The following INTS7 variants were observed in gnomAD, a reference collection of about 807,000 sequenced individuals.
The protein encoded by INTS7 is chromosome 1 open reading frame 73.
INTS7 carries 46 observed loss-of-function variants against 109.2 expected under a neutral mutation model. That is an observed-to-expected ratio of 0.42 (90% CI 0.33 to 0.54). The LOEUF is 0.54. INTS7 is among the 20% of genes least tolerant of loss of function. The probability of loss-of-function intolerance (pLI) is 0.07; values close to 1 mark genes in which losing one functional copy is unlikely to be tolerated. For missense variants in INTS7, 929 were observed against 1,132.4 expected, an observed-to-expected ratio of 0.82 and a Z score of 2.58; for synonymous variants, 412 against 402.9, an observed-to-expected ratio of 1.02 and a Z score of -0.27.
chr1:211,948,060 A>G (rs1472645587), intron 17 of INTS7, among the ~76,000 whole-genome samples: 1 of 152,044 alleles, frequency 6.6e-6, no homozygotes, highest in Non-Finnish European at 1.5e-5. Context: ...GAAACCCAAC[A>G]CCACAGGTTG....
intron 13 of INTS7, among the ~76,000 whole-genome samples, chr1:211,971,468 C>T (rs1206802205): frequency 6.6e-6 from 1 of 152,142 alleles, no homozygotes; most frequent in Non-Finnish European, 1.5e-5. Flanking sequence ...GGAAATTGAC[C>T]TACAGCTTCC....
chr1:211,969,217 G>A (rs1056191371), intron 13 of INTS7, among the ~76,000 whole-genome samples: 3 of 151,454 alleles, frequency 2.0e-5, no homozygotes, highest in Non-Finnish European at 2.9e-5. Context: ...CCCGGGAGGC[G>A]GAGTCTGCTG....
rs1261950484 is a variant in INTS7 at position 211,952,652 on chromosome 1, C to T, written c.2233G>A (p.Glu745Lys). Residue 745 changes from glutamate to lysine, a missense_variant, in exon 17 of 20, where the codon GAA becomes AAA. This residue lies in a region of INTS7 where 787 missense variants were observed against 901.1 expected (regional missense o/e 0.87). Transcript: ENST00000366994. ...TGTAHADSEY[E>K]RRMMSVYNHV... ...TTATATACAGACATCATTCTTCTTT[C>T]ATATTCACTATCAGCATGGGCTGTT... is the stretch of plus-strand genomic sequence containing the variant. 1 of 1,612,824 alleles carries T rather than the reference C, an allele frequency of 6.2e-7. No homozygotes were observed. Among genetic ancestry groups the T allele is most frequent in the Non-Finnish European group, 8.5e-7 (1 of 1,179,040 alleles).
chr1:211,995,124 C>G (rs550282526), intron 7 of INTS7, among the ~76,000 whole-genome samples: 1,687 of 152,180 alleles, frequency 0.011, 31 homozygotes, highest in African/African-American at 0.038. Context: ...AATTTTCATT[C>G]TTAATGTTAA....
At chr1:212,013,225 T>C (rs1307203767) in intron 4 of INTS7, among the ~76,000 whole-genome samples, 2 of 152,172 alleles carry the variant, frequency 1.3e-5, no homozygotes, top group Non-Finnish European at 2.9e-5. Context: ...CTCACTATGT[T>C]GCCTAGGCTG....
intron 8 of INTS7, among the ~76,000 whole-genome samples, 191 bp from the exon 9 acceptor site, chr1:211,983,001 G>T (rs1265805314): frequency 6.6e-6 from 1 of 152,034 alleles, no homozygotes; most frequent in Non-Finnish European, 1.5e-5. Flanking sequence ...ATAGGTATGT[G>T]CCAACAGTTT....
chr1:212,017,850 TA>T (rs1251992672), intron 3 of INTS7, among the ~76,000 whole-genome samples: 1 of 152,178 alleles, frequency 6.6e-6, no homozygotes, highest in Non-Finnish European at 1.5e-5. Flanking sequence ...CTGTTAAAAA[TA>T]AGTAATACTG....
At chr1:212,021,285 TA>T in intron 1 of INTS7, 73 bp from the exon 2 acceptor site, 1 of 1,235,952 alleles carries the variant, frequency 8.1e-7, no homozygotes. Flanking sequence ...AAATAGCAAA[TA>T]TAATTTACTA....
chr1:211,957,439 G>A (rs992467203), intron 16 of INTS7, among the ~76,000 whole-genome samples: 8 of 152,028 alleles, frequency 5.3e-5, no homozygotes, highest in South Asian at 2.1e-4. Context: ...CCAGCTACTC[G>A]GGAGGCTGAG....
intron 17 of INTS7, among the ~76,000 whole-genome samples, chr1:211,948,690 C>T (rs559320105): frequency 2.3e-4 from 35 of 152,196 alleles, no homozygotes; most frequent in African/African-American, 5.3e-4. Flanking sequence ...AGCAGAAAGA[C>T]GTTAACGCTT....
At chr1:211,962,316 T>C (rs1265467907) in intron 16 of INTS7, among the ~76,000 whole-genome samples, 4 of 144,232 alleles carry the variant, frequency 2.8e-5, no homozygotes, top group Non-Finnish European at 6.1e-5. Context: ...AAAGGTTCAA[T>C]TCAACAAGAA....
intron 13 of INTS7, among the ~76,000 whole-genome samples, chr1:211,974,163 A>T (rs1176112293): frequency 2.0e-5 from 3 of 151,596 alleles, no homozygotes; most frequent in Non-Finnish European, 4.4e-5. Flanking sequence ...TGCTCCACAT[A>T]AACTAGAAAA....
chr1:211,953,770 T>G (rs1381113954), intron 16 of INTS7, among the ~76,000 whole-genome samples: 1 of 151,230 alleles, frequency 6.6e-6, no homozygotes, highest in Non-Finnish European at 1.5e-5. Flanking sequence ...ATGGTGTATA[T>G]GTGCCACATT....
intron 5 of INTS7, among the ~76,000 whole-genome samples, chr1:212,007,764 T>C (rs1346632737): frequency 2.6e-5 from 4 of 152,198 alleles, no homozygotes; most frequent in Admixed American, 1.3e-4. Flanking sequence ...AAATTATACA[T>C]ACACATATAC....
chr1:211,993,608 A>G (rs1665237296), intron 7 of INTS7, among the ~76,000 whole-genome samples: 1 of 147,928 alleles, frequency 6.8e-6, no homozygotes, highest in Admixed American at 6.9e-5. Context: ...TGAACCCAGG[A>G]GGCAGAGGTT....
intron 7 of INTS7, among the ~76,000 whole-genome samples, chr1:212,006,259 TG>T (rs1665905589): frequency 6.6e-6 from 1 of 152,156 alleles, no homozygotes; most frequent in Admixed American, 6.6e-5. Flanking sequence ...TTTCCCAAGT[TG>T]CCCATCCAGC....
At chr1:212,014,593 C>A (rs1238900804) in intron 4 of INTS7, among the ~76,000 whole-genome samples, 1 of 150,176 alleles carries the variant, frequency 6.7e-6, no homozygotes, top group East Asian at 2.0e-4. Flanking sequence ...CCTCTGATGC[C>A]GAGCGGAGGC....
intron 3 of INTS7, among the ~76,000 whole-genome samples, 161 bp downstream of exon 3, chr1:212,019,961 T>G (rs889865537): frequency 3.9e-5 from 6 of 152,176 alleles, no homozygotes; most frequent in Non-Finnish European, 7.3e-5. Flanking sequence ...TAAAAAGCAT[T>G]TGCAGACTGG....
intron 7 of INTS7, among the ~76,000 whole-genome samples, chr1:212,001,073 T>A (rs957637899): frequency 6.6e-6 from 1 of 151,532 alleles, no homozygotes; most frequent in African/African-American, 2.4e-5. Context: ...CCTTTTTTTT[T>A]TTTTTTTTTT....
Sources: allele counts gnomAD v4.1 joint callset (sites outside exome capture counted in the v4.1 genomes callset), GRCh38; gene constraint gnomAD v4.1.1; regional missense constraint gnomAD v4.1.1; transcripts MANE v1.5; gene names NCBI Gene and HGNC (gene_info 2026-07-23, HGNC 2026-07-21).